Variants in CTNNA2 observed in about 807,000 individuals in gnomAD.
CTNNA2 encodes the protein catenin alpha 2.
In CTNNA2, 42 loss-of-function variants were observed where a neutral mutation model predicts 101.0. That is an observed-to-expected ratio of 0.42 (90% CI 0.32 to 0.54). CTNNA2 has a LOEUF of 0.54. CTNNA2 is among the 20% of genes least tolerant of loss of function. The pLI is 0.14. For missense variants in CTNNA2, 871 were observed against 1,223.1 expected, an observed-to-expected ratio of 0.71 and a Z score of 4.29; for synonymous variants, 450 against 456.4, an observed-to-expected ratio of 0.99 and a Z score of 0.18.
At chr2:79,526,345 A>T (rs1296888323) in intron 1 of CTNNA2, among the ~76,000 whole-genome samples, 1 of 152,058 alleles carries the variant, frequency 6.6e-6, no homozygotes, top group Non-Finnish European at 1.5e-5. Context: ...TTTGAAGAAG[A>T]CCTAAAAAAT....
At chr2:80,126,630 C>CCTTCCTTCCTTCCTTCCTT (rs1702142178) in intron 7 of CTNNA2, among the ~76,000 whole-genome samples, 1 of 24,812 alleles carries the variant, frequency 4.0e-5, no homozygotes, top group African/African-American at 2.1e-4. Flanking sequence ...CTCCCTCCCT[C>CCTTCCTTCCTTCCTTCCTT]CCTCCCTTCC....
chr2:79,498,272 T>C (rs962550896), intron 4 of CTNNA2: 2 of 152,228 alleles, frequency 1.3e-5, no homozygotes, highest in Non-Finnish European at 2.9e-5. Context: ...TGGAAGAGTG[T>C]GTCCTTTCTA....
rs145742493 is a variant in CTNNA2 at position 80,568,825 on chromosome 2, A to G, written c.1742-5338A>G. Among the ~76,000 whole-genome samples, 87 of 152,320 alleles carry G rather than the reference A, an allele frequency of 5.7e-4. No individual in the cohort carries two copies. In the Middle Eastern group the frequency reaches 0.01, roughly 18 times the overall value. On this transcript the variant is annotated intron_variant, in intron 12 of 18. Transcript: ENST00000402739. The stretch of plus-strand genomic sequence containing the variant: ...TCATATTTGGAGATATTGAAGTTAA[A>G]GTCTGTCTAACTGGAACATTTGAGA...
At chr2:79,508,262 C>T (rs983238777), upstream of CTNNA2, among the ~76,000 whole-genome samples, 1 of 152,102 alleles carries the variant, frequency 6.6e-6, no homozygotes, top group African/African-American at 2.4e-5. Context: ...GCCAAAATTT[C>T]CTTTTTGCTC....
At chr2:79,949,795 A>C (rs562113301) in intron 7 of CTNNA2, among the ~76,000 whole-genome samples, 10 of 152,272 alleles carry the variant, frequency 6.6e-5, no homozygotes, top group African/African-American at 2.4e-4. Context: ...AAAAACATGG[A>C]GACTAATTAG....
chr2:79,894,056 CTTCTTCT>C (rs1558619710), intron 6 of CTNNA2, among the ~76,000 whole-genome samples: 5,214 of 111,626 alleles, frequency 0.047, 124 homozygotes, highest in Admixed American at 0.096. Context: ...TCTTCTTCTT[CTTCTTCT>C]TCCTCCTCCT....
chr2:79,307,062 T>C (rs1336496958), intron 2 of CTNNA2, among the ~76,000 whole-genome samples: 1 of 150,726 alleles, frequency 6.6e-6, no homozygotes, highest in Non-Finnish European at 1.5e-5. Flanking sequence ...TCCATAACTA[T>C]TTAATACTTA....
chr2:80,551,516 A>G (rs1308958763), intron 11 of CTNNA2, among the ~76,000 whole-genome samples: 1 of 152,238 alleles, frequency 6.6e-6, no homozygotes, highest in East Asian at 1.9e-4. Flanking sequence ...ATAACTTGGC[A>G]CAGGTTCTAT....
At chr2:79,366,017 C>G (rs1677742275) in intron 3 of CTNNA2, among the ~76,000 whole-genome samples, 1 of 152,174 alleles carries the variant, frequency 6.6e-6, no homozygotes, top group South Asian at 2.1e-4. Flanking sequence ...AAGAGAAAAT[C>G]TCTATTAGTT....
chr2:80,042,195 C>A (rs1367233152), intron 7 of CTNNA2, among the ~76,000 whole-genome samples: 1 of 152,186 alleles, frequency 6.6e-6, no homozygotes, highest in Non-Finnish European at 1.5e-5. Context: ...GAACTCTTGA[C>A]CTCAAGGGAT....
intron 9 of CTNNA2, among the ~76,000 whole-genome samples, chr2:80,464,512 C>A (rs1684699623): frequency 6.6e-6 from 1 of 152,126 alleles, no homozygotes; most frequent in Non-Finnish European, 1.5e-5. Context: ...AGGGAACAAG[C>A]AGATCTGGAC....
intron 7 of CTNNA2, among the ~76,000 whole-genome samples, chr2:80,129,368 A>C (rs1318557515): frequency 6.6e-6 from 1 of 152,166 alleles, no homozygotes; most frequent in Non-Finnish European, 1.5e-5. Context: ...AGGAGTAGCG[A>C]GTTAAAGCTG....
At chr2:79,531,487 A>G (rs1293636426) in intron 1 of CTNNA2, among the ~76,000 whole-genome samples, 1 of 151,978 alleles carries the variant, frequency 6.6e-6, no homozygotes, top group African/African-American at 2.4e-5. Flanking sequence ...AGGAAATTAA[A>G]TGATATTTCC....
At chr2:80,481,084 A>G (rs1316654282) in intron 9 of CTNNA2, among the ~76,000 whole-genome samples, 1 of 152,150 alleles carries the variant, frequency 6.6e-6, no homozygotes, top group Non-Finnish European at 1.5e-5. Context: ...TTACCTGGAC[A>G]TTCCTTTTCA....
chr2:80,069,921 T>C (rs544702578), intron 7 of CTNNA2, among the ~76,000 whole-genome samples: 1 of 152,328 alleles, frequency 6.6e-6, no homozygotes, highest in East Asian at 1.9e-4. Context: ...TCTGGGCTAT[T>C]CGTACTTCTG....
chr2:80,564,306 T>C (rs1466680938), intron 12 of CTNNA2, among the ~76,000 whole-genome samples: 1 of 152,206 alleles, frequency 6.6e-6, no homozygotes, highest in Non-Finnish European at 1.5e-5. Context: ...ACTTTATTCG[T>C]TCCTTAAGTT....
At chr2:80,087,714 G>A (rs1021780086) in intron 7 of CTNNA2, among the ~76,000 whole-genome samples, 13 of 152,122 alleles carry the variant, frequency 8.5e-5, no homozygotes, top group Middle Eastern at 3.4e-3. Context: ...TATTCAGTAC[G>A]TCTGGGCTGG....
intron 7 of CTNNA2, among the ~76,000 whole-genome samples, chr2:80,278,560 C>A (rs1164834198): frequency 6.6e-6 from 1 of 152,052 alleles, no homozygotes; most frequent in African/African-American, 2.4e-5. Flanking sequence ...GAAGGCATAT[C>A]CTGCTGCACA....
At chr2:80,090,540 G>A (rs943126251) in intron 7 of CTNNA2, among the ~76,000 whole-genome samples, 14 of 152,038 alleles carry the variant, frequency 9.2e-5, no homozygotes, top group African/African-American at 2.9e-4. Context: ...TGTGAAATAC[G>A]TAGCAAGTGG....
Sources: gnomAD v4.1 joint callset for allele counts (sites outside exome capture counted in the v4.1 genomes callset) on GRCh38, gnomAD v4.1.1 for gene constraint, MANE v1.5 for transcripts, NCBI Gene and HGNC (gene_info 2026-07-23, HGNC 2026-07-21) for gene names.